Variants in CFHR4 observed in about 807,000 individuals in gnomAD.
CFHR4 encodes complement factor H-related protein 4.
A neutral mutation model predicts 69.3 loss-of-function variants in CFHR4; 64 were observed. The ratio of observed to expected loss-of-function variants is 0.92; its 90% confidence interval spans 0.76 to 1.14. CFHR4 has a LOEUF of 1.14. Ranked by LOEUF, CFHR4 falls within the 50% of genes most tolerant of loss-of-function variation. The probability of loss-of-function intolerance (pLI) is 0.00; values close to 1 mark genes in which losing one functional copy is unlikely to be tolerated. For synonymous variants in CFHR4, 244 were observed against 237.0 expected (o/e 1.03, Z -0.27); for missense variants, 636 against 684.9 (o/e 0.93, Z 0.80).
Position 196,909,293 on chromosome 1 carries a change from A to G in CFHR4, c.800-988A>G, listed in dbSNP as rs1054221189. ...AGCAAGACTTTCAGTCTTAAAATCTAAAGAAGCAAAGAGCATTCAAGCAGG... is the reference window on the plus strand; with the variant it reads ...AGCAAGACTTTCAGTCTTAAAATCTGAAGAAGCAAAGAGCATTCAAGCAGG... On this transcript the variant is annotated intron_variant, in intron 5 of 9. Coordinates refer to ENST00000608469, the MANE Select transcript of CFHR4 (RefSeq NM_001201550.3). Among the ~76,000 whole-genome samples the G allele has an allele frequency of 2.0e-5, 3 of 151,490 alleles. 1 individual carries two copies. The highest frequency in any genetic ancestry group is 4.4e-5 in the Non-Finnish European group (3 of 67,954).
At chr1:196,891,119 G>A (rs1226701736) in intron 1 of CFHR4, among the ~76,000 whole-genome samples, 1 of 151,186 alleles carries the variant, frequency 6.6e-6, no homozygotes, top group Non-Finnish European at 1.5e-5. Context: ...AGGTGTGGTG[G>A]CAAACACGTG....
chr1:196,910,734 T>C (rs752894078), intron 6 of CFHR4, among the ~76,000 whole-genome samples: 11 of 151,566 alleles, frequency 7.3e-5, no homozygotes, highest in Non-Finnish European at 1.3e-4. Flanking sequence ...ATAAGTAACA[T>C]TGAATACTGA....
chr1:196,911,667 T>C (rs1236062318), intron 6 of CFHR4, among the ~76,000 whole-genome samples: 2 of 151,434 alleles, frequency 1.3e-5, no homozygotes, highest in Admixed American at 6.6e-5. Flanking sequence ...TGAAAGACAA[T>C]GGGAATCTTC....
At chr1:196,888,525 C>A (rs1227592883) in intron 1 of CFHR4, among the ~76,000 whole-genome samples, 1 of 151,086 alleles carries the variant, frequency 6.6e-6, no homozygotes, top group East Asian at 1.9e-4. Flanking sequence ...TAGATTCTAA[C>A]CTTAAAATGT....
chr1:196,905,860 T>C (rs1657881420), intron 3 of CFHR4, among the ~76,000 whole-genome samples: 2 of 151,494 alleles, frequency 1.3e-5, no homozygotes, highest in African/African-American at 2.4e-5. Context: ...GCTGAATGTT[T>C]ACAAACCTCA....
At chr1:196,899,938 G>A (rs868041145) in intron 1 of CFHR4, among the ~76,000 whole-genome samples, 23 of 151,486 alleles carry the variant, frequency 1.5e-4, no homozygotes, top group Admixed American at 6.6e-4. Flanking sequence ...ATAGTTTAAC[G>A]GTTTAGGAGA....
At chr1:196,911,292 G>A (rs565238483) in intron 6 of CFHR4, among the ~76,000 whole-genome samples, 2 of 151,452 alleles carry the variant, frequency 1.3e-5, no homozygotes, top group Non-Finnish European at 2.9e-5. Flanking sequence ...TAGTAGTCAA[G>A]TAACAATAGA....
In CFHR4 at chr1:196,915,069, T is replaced by G. The variant is rs373767199; in HGVS notation, c.1471T>G (p.Tyr491Asp). The change falls in exon 9 of 10, where the codon TAT (tyrosine) becomes GAT (aspartate). Residue 491 changes from tyrosine (Y) to aspartate (D), a missense_variant. Physicochemically the swap from Tyr to Asp is radical, Grantham distance 160. This residue lies in a region of CFHR4 where 22 missense variants were observed against 72.8 expected (regional missense o/e 0.30). Coordinates refer to ENST00000608469, the MANE Select transcript of CFHR4 (RefSeq NM_001201550.3). ...SRVEYQCQSY[Y>D]ELQGSNYVTC... Reference sequence around the variant, plus strand: ...AGTCGAGTACCAATGCCAGTCCTACTATGAACTTCAGGGTTCTAATTATGT... The same window carrying G: ...AGTCGAGTACCAATGCCAGTCCTACGATGAACTTCAGGGTTCTAATTATGT... 24 of 1,613,412 alleles carry G rather than the reference T, an allele frequency of 1.5e-5. No homozygotes were observed. The African/African-American group carries it at 3.1e-4, about 21-fold the overall frequency.
At chr1:196,890,659 C>A (rs1656975436) in intron 1 of CFHR4, among the ~76,000 whole-genome samples, 1 of 151,450 alleles carries the variant, frequency 6.6e-6, no homozygotes, top group Non-Finnish European at 1.5e-5. Flanking sequence ...GCTTCTAAAT[C>A]TCTTTCAAAC....
At chr1:196,903,731 C>A (rs1295812475) in intron 2 of CFHR4, among the ~76,000 whole-genome samples, 2 of 150,990 alleles carry the variant, frequency 1.3e-5, no homozygotes, top group Non-Finnish European at 2.9e-5. Flanking sequence ...TCACAAAATA[C>A]ACTAAATACA....
At chr1:196,909,798 C>G (rs1400020008) in intron 5 of CFHR4, among the ~76,000 whole-genome samples, 2 of 151,068 alleles carry the variant, frequency 1.3e-5, no homozygotes, top group Non-Finnish European at 2.9e-5. Flanking sequence ...AACAAACCTT[C>G]ACATCCTACA....
Position 196,902,926 on chromosome 1 carries a change from T to TA in CFHR4, c.256+312dup, listed in dbSNP as rs1200648470. Among the ~76,000 whole-genome samples the TA allele has an allele frequency of 4.0e-5, 6 of 151,726 alleles. No homozygotes were observed. In the South Asian group the frequency reaches 8.3e-4, roughly 21 times the overall value. On this transcript the variant is annotated intron_variant, in intron 2 of 9. Transcript: ENST00000608469. ...AGTAGCTTTAGTTTTTCTTGAGTCA[T>TA]ACATCATTTTCAGTATTGATGCAGT...
In CFHR4 at chr1:196,897,176, C is replaced by T. The variant is rs536215783; in HGVS notation, c.59-5242C>T. Among the ~76,000 whole-genome samples, 15 of 151,684 alleles carry T rather than the reference C, an allele frequency of 9.9e-5. 1 individual carries two copies. The highest frequency in any genetic ancestry group is 3.4e-4 in the African/African-American group (14 of 41,192). ...GATGAAATGGGGGAGTTCCCTGATT[C>T]CCCTCGCAGGACGTGCGAGAGGGGT... is the stretch of plus-strand genomic sequence containing the variant. On this transcript the variant is annotated intron_variant, in intron 1 of 9. Coordinates refer to ENST00000608469, the MANE Select transcript of CFHR4 (RefSeq NM_001201550.3).
chr1:196,901,534 A>C (rs1461791157), intron 1 of CFHR4, among the ~76,000 whole-genome samples: 1 of 151,248 alleles, frequency 6.6e-6, no homozygotes, highest in Non-Finnish European at 1.5e-5. Context: ...ATTTTTTATA[A>C]TGTGTAGTAT....
At chr1:196,898,425 T>C (rs985117695) in intron 1 of CFHR4, among the ~76,000 whole-genome samples, 1 of 151,608 alleles carries the variant, frequency 6.6e-6, no homozygotes, top group Non-Finnish European at 1.5e-5. Context: ...TTTTGAGAAG[T>C]CTTTGCTTTC....
chr1:196,903,479 C>T (rs1008835365), intron 2 of CFHR4, among the ~76,000 whole-genome samples: 1 of 150,660 alleles, frequency 6.6e-6, no homozygotes, highest in Non-Finnish European at 1.5e-5. Context: ...ATGGTGAAAC[C>T]CTGTCTCTAC....
intron 7 of CFHR4, 142 bp from the exon 8 acceptor site, chr1:196,914,353 C>G (rs1658453241): frequency 2.7e-6 from 2 of 727,398 alleles, no homozygotes; most frequent in Non-Finnish European, 4.1e-6. Flanking sequence ...ACAAAAAGCA[C>G]TGATTGTCAG....
intron 1 of CFHR4, among the ~76,000 whole-genome samples, chr1:196,889,445 A>G (rs1486103557): frequency 2.0e-5 from 3 of 151,636 alleles, no homozygotes; most frequent in Admixed American, 2.0e-4. Context: ...GACTGAAATT[A>G]GATTAGAATA....
At chr1:196,891,269 A>G (rs1657016504) in intron 1 of CFHR4, among the ~76,000 whole-genome samples, 1 of 151,548 alleles carries the variant, frequency 6.6e-6, no homozygotes, top group Non-Finnish European at 1.5e-5. Flanking sequence ...ATAAGTAAAT[A>G]AAATGATTTC....
Sources: allele counts gnomAD v4.1 joint callset (sites outside exome capture counted in the v4.1 genomes callset), GRCh38; gene constraint gnomAD v4.1.1; regional missense constraint gnomAD v4.1.1; transcripts MANE v1.5; gene names NCBI Gene and HGNC (gene_info 2026-07-23, HGNC 2026-07-21).